CADM2: variants seen among roughly 807,000 people sequenced by gnomAD.
The protein encoded by CADM2 is cell adhesion molecule 2, also known as immunoglobulin superfamily member 4D.
CADM2 carries 12 observed loss-of-function variants against 49.8 expected under a neutral mutation model. That is an observed-to-expected ratio of 0.24 (90% confidence interval 0.15 to 0.39). CADM2 has a LOEUF of 0.39. CADM2 is among the 10% of genes least tolerant of loss of function. The pLI, the probability that CADM2 is intolerant of heterozygous loss-of-function variation, is 1.00. For missense variants in CADM2, 378 were observed against 492.3 expected, an observed-to-expected ratio of 0.77 and a Z score of 2.20; for synonymous variants, 214 against 175.4, an observed-to-expected ratio of 1.22 and a Z score of -1.74.
At chr3:85,765,512 G>A (rs1219376397) in intron 2 of CADM2, among the ~76,000 whole-genome samples, 1 of 151,924 alleles carries the variant, frequency 6.6e-6, no homozygotes, top group Non-Finnish European at 1.5e-5. Context: ...TTCTTTCCCA[G>A]TGTTTTAATT....
At chr3:84,980,805 A>T (rs1244295734) in intron 1 of CADM2, among the ~76,000 whole-genome samples, 1 of 152,188 alleles carries the variant, frequency 6.6e-6, no homozygotes, top group Admixed American at 6.5e-5. Flanking sequence ...ATAAGTTAAC[A>T]TGGTAAAATG....
intron 1 of CADM2, among the ~76,000 whole-genome samples, chr3:85,695,517 A>T (rs758395936): frequency 6.6e-6 from 1 of 151,936 alleles, no homozygotes; most frequent in Non-Finnish European, 1.5e-5. Flanking sequence ...TTGCTGCAAG[A>T]GATATTATTT....
chr3:85,965,560 C>T (rs72910593), intron 8 of CADM2, among the ~76,000 whole-genome samples: 19 of 151,388 alleles, frequency 1.3e-4, no homozygotes, highest in African/African-American at 3.1e-4. Context: ...ATTAGGTTAA[C>T]GCTATTGAAA....
chr3:85,760,168 G>T (rs1372725257), intron 2 of CADM2, among the ~76,000 whole-genome samples: 1 of 152,088 alleles, frequency 6.6e-6, no homozygotes, highest in African/African-American at 2.4e-5. Context: ...TCACTGCTCT[G>T]AAAGAAATGT....
At chr3:85,329,740 A>G (rs1444439606) in intron 1 of CADM2, among the ~76,000 whole-genome samples, 1 of 151,872 alleles carries the variant, frequency 6.6e-6, no homozygotes, top group Non-Finnish European at 1.5e-5. Flanking sequence ...CATATATAAC[A>G]TATGTTTCCA....
intron 1 of CADM2, among the ~76,000 whole-genome samples, chr3:85,608,532 T>C (rs1184334240): frequency 1.3e-5 from 2 of 152,186 alleles, no homozygotes; most frequent in African/African-American, 2.4e-5. Flanking sequence ...AATTGCTAAA[T>C]TTTGTTAATT....
At chr3:85,856,735 C>T (rs2075331837) in intron 3 of CADM2, among the ~76,000 whole-genome samples, 1 of 152,012 alleles carries the variant, frequency 6.6e-6, no homozygotes, top group Non-Finnish European at 1.5e-5. Context: ...TTCTGAAATA[C>T]AAAATGAAGA....
At chr3:85,881,007 G>A (rs1175921418) in intron 3 of CADM2, among the ~76,000 whole-genome samples, 2 of 151,996 alleles carry the variant, frequency 1.3e-5, no homozygotes, top group Non-Finnish European at 2.9e-5. Context: ...TTCCTTCTGG[G>A]ACTCTAATGA....
At chr3:85,174,288 A>C (rs1186656698) in intron 1 of CADM2, among the ~76,000 whole-genome samples, 1 of 152,294 alleles carries the variant, frequency 6.6e-6, no homozygotes, top group African/African-American at 2.4e-5. Context: ...CCCTGTAAGA[A>C]AGCGAAAAGC....
chr3:85,292,250 A>G (rs1473913830), intron 1 of CADM2, among the ~76,000 whole-genome samples: 1 of 149,302 alleles, frequency 6.7e-6, no homozygotes. Context: ...TATCCTAAAT[A>G]TATATGCAAC....
At chr3:85,452,614 T>C (rs970883621) in intron 1 of CADM2, among the ~76,000 whole-genome samples, 2 of 151,980 alleles carry the variant, frequency 1.3e-5, no homozygotes, top group Non-Finnish European at 2.9e-5. Context: ...AAACCATCAG[T>C]CTTTGTTCTT....
At chr3:85,265,457 A>C (rs990961950) in intron 1 of CADM2, among the ~76,000 whole-genome samples, 6 of 151,974 alleles carry the variant, frequency 3.9e-5, no homozygotes, top group African/African-American at 1.4e-4. Context: ...GTGTTATTCT[A>C]TGGTGGAAAG....
chr3:86,029,059 C>T (rs1475087410), intron 8 of CADM2, among the ~76,000 whole-genome samples: 1 of 152,136 alleles, frequency 6.6e-6, no homozygotes, highest in Non-Finnish European at 1.5e-5. Flanking sequence ...TCTCCCTGCT[C>T]TAGTTTGATT....
At chr3:85,426,744 A>T (rs993371372) in intron 1 of CADM2, among the ~76,000 whole-genome samples, 2 of 152,152 alleles carry the variant, frequency 1.3e-5, no homozygotes, top group Non-Finnish European at 2.9e-5. Context: ...GTGTAATAAA[A>T]ATTTCCATAT....
intron 6 of CADM2, among the ~76,000 whole-genome samples, chr3:85,921,712 C>T (rs1719139991): frequency 6.6e-6 from 1 of 151,988 alleles, no homozygotes; most frequent in African/African-American, 2.4e-5. Flanking sequence ...TTGTGTAGTT[C>T]TATGGGTTTT....
intron 1 of CADM2, among the ~76,000 whole-genome samples, chr3:85,561,989 G>A (rs2122234): frequency 0.51 from 77,881 of 151,888 alleles, 23,042 homozygotes; most frequent in East Asian, 0.85. Flanking sequence ...GTTAATTTTA[G>A]AAAAGTGCCT....
chr3:85,129,080 G>A (rs910115435), intron 1 of CADM2, among the ~76,000 whole-genome samples: 2 of 152,086 alleles, frequency 1.3e-5, no homozygotes, highest in African/African-American at 4.8e-5. Flanking sequence ...GTATCTTCAA[G>A]TTATATGTAT....
chr3:86,003,436 A>T (rs13068011), intron 8 of CADM2, among the ~76,000 whole-genome samples: 76,011 of 152,044 alleles, frequency 0.5, 19,893 homozygotes, highest in East Asian at 0.63. Flanking sequence ...ACTTGCAAGC[A>T]GGGTAAAATC....
At chr3:85,910,693 T>G (rs528222101) in intron 5 of CADM2, among the ~76,000 whole-genome samples, 67 of 152,102 alleles carry the variant, frequency 4.4e-4, no homozygotes, top group Non-Finnish European at 8.5e-4. Context: ...TGTTAGAGAT[T>G]TTCTTACTCT....
Sources: allele counts gnomAD v4.1 joint callset (sites outside exome capture counted in the v4.1 genomes callset), GRCh38; gene constraint gnomAD v4.1.1; transcripts MANE v1.5; gene names NCBI Gene and HGNC (gene_info 2026-07-23, HGNC 2026-07-21).